C11orf65: variants seen among roughly 807,000 people sequenced by gnomAD.
The protein encoded by C11orf65 is chromosome 11 open reading frame 65.
Under a neutral mutation model 35.3 loss-of-function variants are expected in C11orf65, and 38 were observed. That is an observed-to-expected ratio of 1.08 (90% CI 0.83 to 1.41). The LOEUF (loss-of-function observed/expected upper bound fraction) is 1.41, where lower values mean the gene tolerates loss of function less well. Among genes scored for constraint, C11orf65 ranks in the 40% most tolerant of loss-of-function variants. C11orf65 has a pLI of 0.00. For missense variants in C11orf65, 370 were observed against 367.1 expected (o/e 1.01, Z -0.06); for synonymous variants, 105 against 114.4 (o/e 0.92, Z 0.53).
chr11:108,315,966 T>C, intron 6 of C11orf65: 4 of 1,608,258 alleles, frequency 2.5e-6, no homozygotes, highest in African/African-American at 2.7e-5. Flanking sequence ...GAAGGAGTTA[T>C]GTGTGTGTAA....
intron 3 of C11orf65, among the ~76,000 whole-genome samples, chr11:108,425,778 A>G (rs2138968201): frequency 6.6e-6 from 1 of 152,314 alleles, no homozygotes; most frequent in South Asian, 2.1e-4. Context: ...ATCTAGCAGC[A>G]CATCAAAAAG....
At chr11:108,453,890 T>C (rs114191750) in intron 2 of C11orf65, among the ~76,000 whole-genome samples, 2,001 of 152,344 alleles carry the variant, frequency 0.013, 51 homozygotes, top group African/African-American at 0.045. Context: ...CTGGCTTTGG[T>C]ATCCAACTCA....
At chr11:108,459,523 T>C (rs949965506) in intron 2 of C11orf65, among the ~76,000 whole-genome samples, 12 of 152,212 alleles carry the variant, frequency 7.9e-5, no homozygotes, top group East Asian at 3.8e-4. Flanking sequence ...AATTCCCTCA[T>C]TGGAACCCCT....
chr11:108,428,839 A>G (rs1286426025), intron 3 of C11orf65, among the ~76,000 whole-genome samples: 3 of 152,164 alleles, frequency 2.0e-5, no homozygotes, highest in African/African-American at 7.2e-5. Context: ...AAAAATACCA[A>G]AAAACGAAAC....
intron 2 of C11orf65, among the ~76,000 whole-genome samples, chr11:108,339,720 A>G (rs2087288782): frequency 6.6e-6 from 1 of 152,154 alleles, no homozygotes; most frequent in Admixed American, 6.6e-5. Flanking sequence ...CTCTCAACAA[A>G]AAATAAGGGT....
intron 2 of C11orf65, among the ~76,000 whole-genome samples, chr11:108,357,705 G>T (rs924801904): frequency 2.0e-5 from 3 of 151,978 alleles, no homozygotes; most frequent in African/African-American, 4.8e-5. Context: ...CACACGGCAG[G>T]GTACTCCAAC....
At chr11:108,414,102 T>C (rs1234760708) in intron 3 of C11orf65, among the ~76,000 whole-genome samples, 2 of 151,768 alleles carry the variant, frequency 1.3e-5, no homozygotes, top group African/African-American at 2.4e-5. Context: ...ACAAGAAATC[T>C]ATAAAGAAAA....
intron 2 of C11orf65, among the ~76,000 whole-genome samples, chr11:108,376,657 C>T (rs998148562): frequency 2.6e-5 from 4 of 151,792 alleles, no homozygotes; most frequent in African/African-American, 4.8e-5. Context: ...AATAGAGACA[C>T]AAAAAACCGT....
intron 6 of C11orf65, 74 bp from the exon 7 acceptor site, chr11:108,393,452 T>C (rs936891044): frequency 1.5e-6 from 2 of 1,346,770 alleles, no homozygotes. Flanking sequence ...GCAATATATA[T>C]TGTTGCTATT....
rs879254136 is a variant in C11orf65 at position 108,331,481 on chromosome 11, C to T, written c.*69G>A. On this transcript the variant is annotated 3_prime_UTR_variant, in exon 4 of 4. Transcript: ENST00000524755. ...AAGATTCCAACATATAAATTTTTGCCTCTTATGTACCAATTGGCTGCTAGA... is the reference window on the plus strand; with the variant it reads ...AAGATTCCAACATATAAATTTTTGCTTCTTATGTACCAATTGGCTGCTAGA... 2 of 1,612,716 alleles carry T rather than the reference C, an allele frequency of 1.2e-6. No individual in the cohort carries two copies. Among genetic ancestry groups the T allele is most frequent in the South Asian group, 1.1e-5 (1 of 90,994 alleles).
intron 2 of C11orf65, among the ~76,000 whole-genome samples, chr11:108,346,325 T>G (rs11821287): frequency 0.03 from 4,547 of 152,162 alleles, 224 homozygotes; most frequent in African/African-American, 0.1. Context: ...TAATACTTTT[T>G]AATAGAATTT....
intron 8 of C11orf65, among the ~76,000 whole-genome samples, chr11:108,383,479 GATA>G (rs1479907844): frequency 6.6e-6 from 1 of 152,146 alleles, no homozygotes; most frequent in Non-Finnish European, 1.5e-5. Context: ...GTAAAATGGG[GATA>G]ATAACCGCAC....
chr11:108,325,650 C>T, intron 6 of C11orf65: 1 of 972,748 alleles, frequency 1.0e-6, no homozygotes, highest in Non-Finnish European at 1.5e-6. Context: ...AGATAGAGAT[C>T]TCTATTAATA....
chr11:108,354,959 C>T, intron 2 of C11orf65: 2 of 1,146,152 alleles, frequency 1.7e-6, no homozygotes, highest in African/African-American at 1.5e-5. Flanking sequence ...ATGTGAAGAG[C>T]ACTGCTTCAT....
chr11:108,312,385 A>G (rs2136057206), intron 6 of C11orf65: 1 of 1,506,162 alleles, frequency 6.6e-7, no homozygotes, highest in East Asian at 2.3e-5. Context: ...TGTTCTCATT[A>G]AAAGAGGTGT....
chr11:108,389,497 T>C (rs1223860590), intron 7 of C11orf65, among the ~76,000 whole-genome samples: 2 of 152,148 alleles, frequency 1.3e-5, no homozygotes, highest in African/African-American at 4.8e-5. Flanking sequence ...AAATTATGAG[T>C]ATCCTCAACT....
intron 2 of C11orf65, among the ~76,000 whole-genome samples, chr11:108,341,861 C>G (rs2087618731): frequency 6.6e-6 from 1 of 152,172 alleles, no homozygotes; most frequent in African/African-American, 2.4e-5. Context: ...TGGAATAACT[C>G]TACTGGTGGG....
intron 3 of C11orf65, among the ~76,000 whole-genome samples, chr11:108,420,507 G>A (rs115948056): frequency 0.015 from 2,243 of 152,226 alleles, 53 homozygotes; most frequent in African/African-American, 0.048. Context: ...GGTTGACCTA[G>A]CATCACTGGA....
chr11:108,376,455 G>C (rs1429763756), intron 2 of C11orf65, among the ~76,000 whole-genome samples: 1 of 152,012 alleles, frequency 6.6e-6, no homozygotes, highest in East Asian at 1.9e-4. Flanking sequence ...CAACATACCA[G>C]AATCTCTGGG....
Sources: gnomAD v4.1 joint callset for allele counts (sites outside exome capture counted in the v4.1 genomes callset) on GRCh38, gnomAD v4.1.1 for gene constraint, MANE v1.5 for transcripts, NCBI Gene and HGNC (gene_info 2026-07-23, HGNC 2026-07-21) for gene names.